DLEC1: variants seen among roughly 807,000 people sequenced by gnomAD.
The protein encoded by DLEC1 is deleted in lung and esophageal cancer protein 1.
A neutral mutation model predicts 198.1 loss-of-function variants in DLEC1; 146 were observed. The ratio of observed to expected loss-of-function variants is 0.74; its 90% confidence interval spans 0.64 to 0.85. DLEC1 has a LOEUF of 0.85. Among genes scored for constraint, DLEC1 ranks in the 40% least tolerant of loss-of-function variants. The pLI is 0.00. For synonymous variants in DLEC1, 897 were observed against 866.8 expected (o/e 1.03, Z -0.61); for missense variants, 2,233 against 2,220.0 (o/e 1.01, Z -0.12).
chr3:38,062,356 A>G lies in DLEC1; in HGVS notation c.861A>G (p.Arg287=). Residue 287 remains arginine (R), a synonymous_variant, in exon 4 of 37, where the codon AGA becomes AGG. Coordinates refer to ENST00000308059, the MANE Select transcript of DLEC1 (RefSeq NM_007335.4). Reference sequence around the variant, plus strand: ...CTCCTAAGGCCAAAGAAAGGACCAGAGAACCTCTCAAGGTCAGTTTGGAAG... The same window carrying G: ...CTCCTAAGGCCAAAGAAAGGACCAGGGAACCTCTCAAGGTCAGTTTGGAAG... ...NLTPKAKERT[R]EPLKKASQPR... is the part of the protein sequence containing the mutation. 6.2e-7 allele frequency: 1 copy of G among 1,614,234 alleles called. No homozygotes were observed. Among genetic ancestry groups the G allele is most frequent in the Non-Finnish European group, 8.5e-7 (1 of 1,180,044 alleles).
intron 6 of DLEC1, among the ~76,000 whole-genome samples, chr3:38,068,777 C>A (rs530260427): frequency 6.6e-6 from 1 of 152,220 alleles, no homozygotes; most frequent in African/African-American, 2.4e-5. Flanking sequence ...AAGCACAAAG[C>A]AAACAAAATA....
chr3:38,123,124 T>G lies in DLEC1; in HGVS notation c.*712T>G. ...CACATGGACACCACTCCGTATGCCC[T>G]GTGAAAACAAAACTTAATTGGCTGG... On this transcript the variant is annotated 3_prime_UTR_variant, in exon 37 of 37. Transcript: ENST00000308059. 2 of 1,614,078 alleles carry G rather than the reference T, an allele frequency of 1.2e-6. No individual in the cohort carries two copies. Among genetic ancestry groups the G allele is most frequent in the Middle Eastern group, 3.3e-4 (2 of 6,062 alleles).
intron 9 of DLEC1, among the ~76,000 whole-genome samples, chr3:38,087,311 C>CAT (rs1405630589): frequency 1.4e-5 from 2 of 147,884 alleles, no homozygotes; most frequent in African/African-American, 4.9e-5. Flanking sequence ...CATCCATCAG[C>CAT]ACTGACACCA....
At chr3:38,054,364 G>C (rs1696239810) in intron 2 of DLEC1, among the ~76,000 whole-genome samples, 1 of 152,166 alleles carries the variant, frequency 6.6e-6, no homozygotes, top group South Asian at 2.1e-4. Context: ...CGTTTTTCTG[G>C]GTCTGACTTC....
chr3:38,069,908 C>T (rs183952443), intron 6 of DLEC1, among the ~76,000 whole-genome samples: 260 of 152,196 alleles, frequency 1.7e-3, no homozygotes, highest in Non-Finnish European at 3.0e-3. Flanking sequence ...GGAAGACATA[C>T]TTCATATTTA....
chr3:38,042,772 G>C (rs1700718261), intron 1 of DLEC1, among the ~76,000 whole-genome samples: 1 of 152,066 alleles, frequency 6.6e-6, no homozygotes, highest in South Asian at 2.1e-4. Flanking sequence ...GGCCAGACTG[G>C]TCTTGAACTC....
rs1700568972 is a variant in DLEC1, at chr3:38,123,030, C to G, written c.*618C>G. 6.2e-7 allele frequency: 1 copy of G among 1,613,866 alleles called. No homozygotes were observed. The highest frequency in any genetic ancestry group is 8.5e-7 in the Non-Finnish European group (1 of 1,179,844). On this transcript the variant is annotated 3_prime_UTR_variant, in exon 37 of 37. Coordinates refer to ENST00000308059, the MANE Select transcript of DLEC1 (RefSeq NM_007335.4). ...CAGCAGGACTGTCTGCGTAGCGCCT[C>G]CAGCCTGGGACCTCACTCAGTTCCC...
At chr3:38,058,771 G>T (rs1016284300) in intron 2 of DLEC1, among the ~76,000 whole-genome samples, 9 of 152,036 alleles carry the variant, frequency 5.9e-5, no homozygotes, top group Non-Finnish European at 8.8e-5. Context: ...AGTAACAAAT[G>T]TATCTCTCTA....
intron 1 of DLEC1, among the ~76,000 whole-genome samples, chr3:38,043,029 C>T (rs1257563880): frequency 2.0e-5 from 3 of 152,146 alleles, no homozygotes; most frequent in African/African-American, 7.2e-5. Flanking sequence ...TCTGCATTGC[C>T]TGAGTTTTTC....
At chr3:38,062,422 A>G (rs531939236) in intron 4 of DLEC1, 54 bp downstream of exon 4, 16 of 1,606,914 alleles carry the variant, frequency 1.0e-5, no homozygotes, top group Non-Finnish European at 1.4e-5. Flanking sequence ...GAGGCAGTGA[A>G]GGGGAAGGCA....
chr3:38,066,214 G>A (rs1026616491), intron 6 of DLEC1, among the ~76,000 whole-genome samples: 4 of 152,148 alleles, frequency 2.6e-5, no homozygotes, highest in African/African-American at 9.7e-5. Context: ...TCACTTAATA[G>A]TTAACAGCCT....
intron 9 of DLEC1, among the ~76,000 whole-genome samples, chr3:38,086,633 A>T (rs1242676336): frequency 2.6e-5 from 4 of 152,256 alleles, no homozygotes; most frequent in African/African-American, 9.6e-5. Context: ...GCCCTGGCTC[A>T]AATGTGACTG....
intron 3 of DLEC1, 124 bp downstream of exon 3, chr3:38,059,976 T>C (rs1696595411): frequency 1.3e-6 from 1 of 782,402 alleles, no homozygotes; most frequent in African/African-American, 1.7e-5. Context: ...TTAATTTCGA[T>C]GGTGACTGTT....
intron 18 of DLEC1, 125 bp downstream of exon 18, chr3:38,098,027 G>A: frequency 7.8e-7 from 1 of 1,287,236 alleles, no homozygotes; most frequent in African/African-American, 1.5e-5. Flanking sequence ...AGCCTGCCTG[G>A]TGACTTCGGC....
chr3:38,049,324 G>A (rs1701009131), intron 2 of DLEC1, among the ~76,000 whole-genome samples: 1 of 152,082 alleles, frequency 6.6e-6, no homozygotes, highest in Non-Finnish European at 1.5e-5. Context: ...AGAAGGGTGA[G>A]GTAACTTTTT....
In DLEC1 at chr3:38,122,707, C is replaced by T; in HGVS notation, c.*295C>T. On this transcript the variant is annotated 3_prime_UTR_variant, in exon 37 of 37. Transcript: ENST00000308059. Reference sequence around the variant, plus strand: ...ATTAGTCTTGGAAAAAAACCACAGCCACTAAGATAAATTCATGCACTTTTA... The same window carrying T: ...ATTAGTCTTGGAAAAAAACCACAGCTACTAAGATAAATTCATGCACTTTTA... 7.2e-7 allele frequency: 1 copy of T among 1,386,442 alleles called. No homozygotes were observed. Among genetic ancestry groups the T allele is most frequent in the African/African-American group, 1.5e-5 (1 of 68,920 alleles). The allele number at this position is 1,386,442 out of a possible 1,614,324, so 85.9% of individuals were successfully genotyped here.
chr3:38,108,411 G>C lies in DLEC1; in HGVS notation c.3025G>C (p.Gly1009Arg). Residue 1009 changes from glycine (G) to arginine (R), a missense_variant, in exon 21 of 37, where the codon GGA (glycine) becomes CGA (arginine). Physicochemically the swap from Gly to Arg is moderately radical, Grantham distance 125. Coordinates refer to ENST00000308059, the MANE Select transcript of DLEC1 (RefSeq NM_007335.4). ...TCACTCATGTGTCTGCCAGCTCCTC[G>C]GACACCAAGCAGAATTCTGCATGGT... is the stretch of plus-strand genomic sequence containing the variant. ...PTQFHWGKLL[G>R]HQAEFCMVTV... The C allele has an allele frequency of 1.2e-6, 2 of 1,613,822 alleles. No individual in the cohort carries two copies. Among genetic ancestry groups the C allele is most frequent in the Non-Finnish European group, 1.7e-6 (2 of 1,179,890 alleles).
chr3:38,100,694 C>T (rs1267985633), intron 19 of DLEC1, among the ~76,000 whole-genome samples: 1 of 152,156 alleles, frequency 6.6e-6, no homozygotes, highest in Non-Finnish European at 1.5e-5. Flanking sequence ...ACTTTCGAAA[C>T]TACGTTAGCA....
chr3:38,121,221 G>C (rs1207115863), intron 34 of DLEC1, among the ~76,000 whole-genome samples: 1 of 152,240 alleles, frequency 6.6e-6, no homozygotes, highest in African/African-American at 2.4e-5. Flanking sequence ...GTGTGATGCA[G>C]GGGCTGCCAG....
Sources: gnomAD v4.1 joint callset for allele counts (sites outside exome capture counted in the v4.1 genomes callset) on GRCh38, gnomAD v4.1.1 for gene constraint, MANE v1.5 for transcripts, NCBI Gene and HGNC (gene_info 2026-07-23, HGNC 2026-07-21) for gene names.